Variants in SYT14 observed in about 807,000 individuals in gnomAD.
SYT14 encodes synaptotagmin-14.
Under a neutral mutation model 74.2 loss-of-function variants are expected in SYT14, and 32 were observed. That is an observed-to-expected ratio of 0.43 (90% confidence interval 0.33 to 0.58). The LOEUF (loss-of-function observed/expected upper bound fraction) is 0.58. SYT14 is among the 20% of genes least tolerant of loss of function. SYT14 has a pLI of 0.05. For missense variants in SYT14, 791 were observed against 981.8 expected (o/e 0.81, Z 2.60); for synonymous variants, 298 against 337.7 (o/e 0.88, Z 1.29).
intron 1 of SYT14, among the ~76,000 whole-genome samples, chr1:209,946,046 A>G (rs1028325): frequency 0.46 from 69,457 of 151,996 alleles, 17,134 homozygotes; most frequent in Non-Finnish European, 0.56. Context: ...TGATGCTACT[A>G]TTGTAATTGT....
At chr1:210,101,721 TTAA>T (rs1478249395) in intron 7 of SYT14, among the ~76,000 whole-genome samples, 4 of 152,110 alleles carry the variant, frequency 2.6e-5, no homozygotes, top group Admixed American at 6.5e-5. Context: ...TTCATAAAAT[TTAA>T]TAATCTACAG....
chr1:209,970,920 TCCA>T (rs2079244007), intron 2 of SYT14, among the ~76,000 whole-genome samples: 1 of 152,006 alleles, frequency 6.6e-6, no homozygotes, highest in Non-Finnish European at 1.5e-5. Flanking sequence ...CATCAGGTGA[TCCA>T]CCTGCCTTGG....
intron 1 of SYT14, among the ~76,000 whole-genome samples, chr1:209,942,360 A>AAC (rs2078747291): frequency 1.3e-5 from 1 of 74,596 alleles, no homozygotes; most frequent in African/African-American, 9.5e-5. Context: ...ATGCAAATTT[A>AAC]CCCCCCCCCC....
At chr1:210,132,033 A>G (rs939594475) in intron 7 of SYT14, among the ~76,000 whole-genome samples, 2 of 151,862 alleles carry the variant, frequency 1.3e-5, no homozygotes, top group Admixed American at 6.6e-5. Flanking sequence ...TCCTTACTCT[A>G]CTTGGAACCT....
At chr1:209,995,076 C>T (rs1341551615) in intron 2 of SYT14, among the ~76,000 whole-genome samples, 1 of 152,128 alleles carries the variant, frequency 6.6e-6, no homozygotes, top group Non-Finnish European at 1.5e-5. Flanking sequence ...TATAAAGCAA[C>T]TATGCAATCA....
In SYT14 at chr1:210,018,046, G is replaced by A. The variant is rs545055215; in HGVS notation, c.1096+947G>A. 9.8e-5 allele frequency among the ~76,000 whole-genome samples: 15 copies of A among 152,356 alleles called. No homozygotes were observed. The East Asian group carries it at 2.9e-3, about 29-fold the overall frequency. ...ATATGAGTGGTTTTACAGTGATATA[G>A]GAGAGGCTAATCCAGGATGGATGAA... On this transcript the variant is annotated intron_variant, in intron 4 of 9. Coordinates refer to ENST00000637265, the Ensembl canonical transcript of SYT14.
At chr1:210,165,391 C>G (rs1157067630) in exon 10 of SYT14, 1 of 152,048 alleles carries the variant, frequency 6.6e-6, no homozygotes, top group East Asian at 1.9e-4. Context: ...ACTTTTGTGT[C>G]ATTTTGTAGA....
Position 210,070,910 on chromosome 1 carries a change from ATTTTTTT to A in SYT14, c.1313-23394_1313-23388del, listed in dbSNP as rs200981834. Among the ~76,000 whole-genome samples, 1,080 of 116,298 alleles carry A rather than the reference ATTTTTTT, an allele frequency of 9.3e-3. 4 individuals carry two copies. Among genetic ancestry groups the A allele is most frequent in the Non-Finnish European group, 0.015 (863 of 57,278 alleles). The allele number at this position is 116,298 out of a possible 152,430, so 76.3% of individuals were successfully genotyped here. A position where few individuals can be genotyped will look rare whatever the true frequency, so the allele number is the denominator to read the frequency against. On this transcript the variant is annotated intron_variant, in intron 5 of 9. Transcript: ENST00000637265. ...AATTCAACAAAGATAGTTGGGTATA[ATTTTTTT>A]TTTTTTTTTTTTTTTTTGGCTAGAC...
intron 7 of SYT14, among the ~76,000 whole-genome samples, chr1:210,112,455 A>G (rs939260226): frequency 3.3e-5 from 5 of 151,484 alleles, no homozygotes; most frequent in African/African-American, 7.4e-5. Flanking sequence ...GAATGGGCCT[A>G]TGAGGCCGGA....
rs183636690 is a variant in SYT14 at position 210,139,903 on chromosome 1, A to G, written c.2035-15818A>G. ...ATTCATTGACATTTGGGTTGTTTCC[A>G]TTGGCTTTTATGAATAATGCTGCTA... On this transcript the variant is annotated intron_variant, in intron 7 of 9. Transcript: ENST00000637265. Among the ~76,000 whole-genome samples the G allele has an allele frequency of 5.6e-4, 85 of 152,260 alleles. 1 individual carries two copies. The East Asian group carries it at 0.016, about 29-fold the overall frequency.
chr1:210,008,641 G>A lies in SYT14; in HGVS notation c.-485-4992G>A, dbSNP rs570612255. On this transcript the variant is annotated intron_variant, in intron 2 of 9. Transcript: ENST00000637265. ...GCCTCCCAAAGTGCCGGGATTACAG[G>A]CGTGAGCCACCACACCTGGCCTAAA... Among the ~76,000 whole-genome samples the A allele has an allele frequency of 5.1e-4, 77 of 152,288 alleles. 1 individual carries two copies. The highest frequency in any genetic ancestry group is 1.7e-3 in the African/African-American group (71 of 41,558).
At chr1:210,122,721 G>C (rs549566383) in intron 7 of SYT14, among the ~76,000 whole-genome samples, 30 of 152,074 alleles carry the variant, frequency 2.0e-4, no homozygotes, top group African/African-American at 7.0e-4. Flanking sequence ...GCTTACTTCT[G>C]ATCTTAAAAG....
At chr1:210,074,760 C>T in intron 5 of SYT14, among the ~76,000 whole-genome samples, 1 of 152,146 alleles carries the variant, frequency 6.6e-6, no homozygotes, top group East Asian at 1.9e-4. Flanking sequence ...CTACTCAAAC[C>T]TCTAGGGGAG....
intron 6 of SYT14, among the ~76,000 whole-genome samples, chr1:210,098,231 G>T (rs925284081): frequency 6.6e-6 from 1 of 151,314 alleles, no homozygotes; most frequent in Non-Finnish European, 1.5e-5. Flanking sequence ...GCAGAAAGAA[G>T]CACTCTCCCG....
At chr1:210,001,977 C>T (rs953236128) in intron 2 of SYT14, among the ~76,000 whole-genome samples, 1 of 152,102 alleles carries the variant, frequency 6.6e-6, no homozygotes, top group Non-Finnish European at 1.5e-5. Context: ...AGAGGACAGT[C>T]AGTTCTGATT....
rs192907994 is a variant in SYT14 at position 210,021,208 on chromosome 1, A to T, written c.1266A>T (p.Leu422=). Residue 422 remains leucine (L), a synonymous_variant, in exon 5 of 10, where the codon CTA becomes CTT. Coordinates refer to ENST00000637265, the Ensembl canonical transcript of SYT14. ...AAACAAGGCAGAAATACAGTCCTCT[A>T]TCGGCAGAGTATGATGGATACAGTA... 33 of 1,614,068 alleles carry T rather than the reference A, an allele frequency of 2.0e-5. No individual in the cohort carries two copies. In the Admixed American group the frequency reaches 5.2e-4, roughly 25 times the overall value.
chr1:210,073,660 A>G (rs1262311397), intron 5 of SYT14, among the ~76,000 whole-genome samples: 2 of 152,076 alleles, frequency 1.3e-5, no homozygotes, highest in Non-Finnish European at 2.9e-5. Context: ...TGTATGTTTT[A>G]CAGGCCAGAA....
chr1:210,095,531 G>A (rs2081953597), intron 6 of SYT14, among the ~76,000 whole-genome samples: 1 of 152,204 alleles, frequency 6.6e-6, no homozygotes, highest in Non-Finnish European at 1.5e-5. Flanking sequence ...TGGGTTTGCA[G>A]GCATAAGCCA....
At position 210,094,307 on chromosome 1, in the gene SYT14, C is replaced by G. The variant is rs1233644441; in HGVS notation, c.1313-15C>G. On this transcript the variant is annotated splice_polypyrimidine_tract_variant and intron_variant, in intron 5 of 9. Coordinates refer to ENST00000637265, the Ensembl canonical transcript of SYT14. ...GCTAATTGGAAACAGTGACCAGATT[C>G]TTAATCATTATCAGGAAACTGCATT... 2 of 1,613,572 alleles carry G rather than the reference C, an allele frequency of 1.2e-6. No individual in the cohort carries two copies. Among genetic ancestry groups the G allele is most frequent in the Non-Finnish European group, 1.7e-6 (2 of 1,179,756 alleles).
Sources: allele counts gnomAD v4.1 joint callset (sites outside exome capture counted in the v4.1 genomes callset), GRCh38; gene constraint gnomAD v4.1.1; transcripts MANE v1.5; gene names NCBI Gene and HGNC (gene_info 2026-07-23, HGNC 2026-07-21).